SV2C: variants seen among roughly 807,000 people sequenced by gnomAD.
The protein encoded by SV2C is synaptic vesicle glycoprotein 2C.
In SV2C, 49 loss-of-function variants were observed where a neutral mutation model predicts 79.7. The ratio of observed to expected loss-of-function variants is 0.61; its 90% CI spans 0.49 to 0.78. SV2C has a LOEUF of 0.78. Ranked by LOEUF, SV2C falls within the 30% of genes least tolerant of loss-of-function variation. The probability of loss-of-function intolerance (pLI) is 0.00; values close to 1 mark genes in which losing one functional copy is unlikely to be tolerated. For synonymous variants in SV2C, 334 were observed against 333.2 expected (o/e 1.00, Z -0.03); for missense variants, 833 against 912.9 (o/e 0.91, Z 1.13).
chr5:76,150,608 C>G (rs1309977812), intron 2 of SV2C, among the ~76,000 whole-genome samples: 1 of 122,324 alleles, frequency 8.2e-6, no homozygotes, highest in Non-Finnish European at 1.7e-5. Context: ...AACTATTCGT[C>G]TGTTTATTCA....
At chr5:76,047,444 G>T in the SV2C span, among the ~76,000 whole-genome samples, 1 of 152,108 alleles carries the variant, frequency 6.6e-6, no homozygotes, top group Admixed American at 6.5e-5. Flanking sequence ...GTATTCTCAG[G>T]TTGTAGAATG....
chr5:76,345,538 C>T (rs547979850), intron 12 of SV2C, among the ~76,000 whole-genome samples: 4 of 152,314 alleles, frequency 2.6e-5, no homozygotes, highest in South Asian at 2.1e-4. Flanking sequence ...GCTCCCTAGA[C>T]GAGGAACACC....
At chr5:76,066,848 T>C in the SV2C span, among the ~76,000 whole-genome samples, 1 of 151,400 alleles carries the variant, frequency 6.6e-6, no homozygotes, top group Non-Finnish European at 1.5e-5. Context: ...CAGACTTCAT[T>C]GCCAAGGAAA....
chr5:76,306,265 A>G (rs1748192460), intron 12 of SV2C, among the ~76,000 whole-genome samples: 1 of 152,070 alleles, frequency 6.6e-6, no homozygotes, highest in Non-Finnish European at 1.5e-5. Context: ...TGTGTTGCCC[A>G]GGCTGGTCTC....
chr5:75,876,272 C>T, the SV2C span, among the ~76,000 whole-genome samples: 5 of 152,010 alleles, frequency 3.3e-5, no homozygotes, highest in Non-Finnish European at 2.9e-5. Flanking sequence ...TTTTTGGGAA[C>T]ATGGATGGAA....
intron 1 of SV2C, among the ~76,000 whole-genome samples, chr5:76,095,558 G>C (rs1290106667): frequency 1.3e-5 from 2 of 151,974 alleles, no homozygotes; most frequent in Non-Finnish European, 2.9e-5. Context: ...GACTTCTCAG[G>C]TCAGTCAAGT....
the SV2C span, among the ~76,000 whole-genome samples, chr5:76,030,297 A>ATTTATTTT: frequency 3.0e-5 from 1 of 33,050 alleles, no homozygotes; most frequent in African/African-American, 1.1e-4. Context: ...TTTTTTATTT[A>ATTTATTTT]TTCCTGTAAA....
At chr5:75,878,781 C>A in the SV2C span, among the ~76,000 whole-genome samples, 2 of 152,092 alleles carry the variant, frequency 1.3e-5, no homozygotes, top group Non-Finnish European at 2.9e-5. Context: ...CCGATCCTCA[C>A]TTGAATTTAC....
intron 6 of SV2C, among the ~76,000 whole-genome samples, chr5:76,290,417 C>T (rs1561300653): frequency 1.3e-5 from 2 of 152,170 alleles, no homozygotes; most frequent in Non-Finnish European, 2.9e-5. Context: ...TTTCCATGTC[C>T]TCTCAGATTT....
At chr5:75,942,514 C>T in the SV2C span, among the ~76,000 whole-genome samples, 25 of 152,132 alleles carry the variant, frequency 1.6e-4, no homozygotes, top group Non-Finnish European at 3.4e-4. Flanking sequence ...CACTGTGGAG[C>T]AGTTCTATCA....
chr5:75,962,285 G>T, the SV2C span, among the ~76,000 whole-genome samples: 1 of 152,206 alleles, frequency 6.6e-6, no homozygotes, highest in East Asian at 1.9e-4. Context: ...CTACAGCACA[G>T]GACCCAGGGT....
chr5:75,899,711 G>A, the SV2C span, among the ~76,000 whole-genome samples: 2 of 152,122 alleles, frequency 1.3e-5, no homozygotes, highest in Non-Finnish European at 2.9e-5. Flanking sequence ...AAGTCTCTTT[G>A]TAGGTCACTC....
chr5:76,081,193 A>C (rs545576737), upstream of SV2C, among the ~76,000 whole-genome samples: 2 of 152,328 alleles, frequency 1.3e-5, no homozygotes, highest in African/African-American at 4.8e-5. Context: ...ATAGGAGAAT[A>C]ATTTAAGGAA....
chr5:76,298,619 G>A (rs1227300221), intron 9 of SV2C, among the ~76,000 whole-genome samples, 175 bp from the exon 10 acceptor site: 1 of 152,158 alleles, frequency 6.6e-6, no homozygotes, highest in Non-Finnish European at 1.5e-5. Flanking sequence ...CCAAAGGTCA[G>A]CCTGGATGAG....
chr5:76,195,410 A>C (rs1580346034), intron 3 of SV2C, among the ~76,000 whole-genome samples: 1 of 152,190 alleles, frequency 6.6e-6, no homozygotes, highest in Non-Finnish European at 1.5e-5. Context: ...AATTTAACAT[A>C]AGTAGGAAAT....
intron 2 of SV2C, among the ~76,000 whole-genome samples, chr5:76,187,676 A>C (rs1464827872): frequency 1.3e-5 from 2 of 152,082 alleles, no homozygotes; most frequent in Non-Finnish European, 2.9e-5. Flanking sequence ...TGTGGCTACT[A>C]AAAATAGTAA....
the SV2C span, among the ~76,000 whole-genome samples, chr5:75,901,531 CA>C: frequency 1.3e-5 from 2 of 152,204 alleles, no homozygotes; most frequent in Admixed American, 1.3e-4. Flanking sequence ...GCTCAGGGGT[CA>C]GGGGTCAGGG....
chr5:76,151,888 G>T (rs1749617608), intron 2 of SV2C, among the ~76,000 whole-genome samples: 1 of 152,176 alleles, frequency 6.6e-6, no homozygotes, highest in Non-Finnish European at 1.5e-5. Flanking sequence ...AAGGCGGTTG[G>T]AAATGGCTCC....
At chr5:76,082,357 G>A (rs1747015901), upstream of SV2C, 1 of 152,242 alleles carries the variant, frequency 6.6e-6, no homozygotes, top group African/African-American at 2.4e-5. Context: ...CAGCCGCCTG[G>A]CCCACCGCTT....
Sources: allele counts gnomAD v4.1 joint callset (sites outside exome capture counted in the v4.1 genomes callset), GRCh38; gene constraint gnomAD v4.1.1; transcripts MANE v1.5; gene names NCBI Gene and HGNC (gene_info 2026-07-23, HGNC 2026-07-21).